RDH10: variants seen among roughly 807,000 people sequenced by gnomAD.
RDH10 encodes retinol dehydrogenase 10, also known as retinol dehydrogenase 10 (all-trans).
A neutral mutation model predicts 30.2 loss-of-function variants in RDH10; 12 were observed. The observed-to-expected ratio is 0.40, with a 90% CI of 0.25 to 0.64. The LOEUF is 0.64. Among genes scored for constraint, RDH10 ranks in the 30% least tolerant of loss-of-function variants. The pLI, the probability that RDH10 is intolerant of heterozygous loss-of-function variation, is 0.43. For synonymous variants in RDH10, 189 were observed against 172.2 expected (o/e 1.10, Z -0.76); for missense variants, 268 against 445.2 (o/e 0.60, Z 3.58).
At chr8:73,318,575 C>T (rs1225230846) in intron 2 of RDH10, among the ~76,000 whole-genome samples, 1 of 152,242 alleles carries the variant, frequency 6.6e-6, no homozygotes, top group Non-Finnish European at 1.5e-5. Flanking sequence ...CCTGCTAGTA[C>T]ATTTTGGTAA....
chr8:73,298,590 C>T (rs1345812000), intron 2 of RDH10, among the ~76,000 whole-genome samples: 2 of 152,094 alleles, frequency 1.3e-5, no homozygotes, highest in East Asian at 1.9e-4. Context: ...TGCAGTGGCG[C>T]GATCTTGGCT....
chr8:73,316,533 A>G (rs1814667858), intron 2 of RDH10, among the ~76,000 whole-genome samples: 1 of 152,214 alleles, frequency 6.6e-6, no homozygotes. Context: ...AAATACAATC[A>G]AGCTGAAACA....
At chr8:73,302,497 G>A (rs1211210151) in intron 2 of RDH10, among the ~76,000 whole-genome samples, 1 of 152,082 alleles carries the variant, frequency 6.6e-6, no homozygotes, top group East Asian at 1.9e-4. Flanking sequence ...ACCAGCGTTG[G>A]CAACATGGCG....
chr8:73,319,806 C>T (rs189056413), intron 3 of RDH10, among the ~76,000 whole-genome samples: 80 of 152,282 alleles, frequency 5.3e-4, no homozygotes, highest in Admixed American at 2.4e-3. Flanking sequence ...TCAGATGAGG[C>T]GGTCAGGTAT....
intron 2 of RDH10, 123 bp from the exon 3 acceptor site, chr8:73,318,973 T>G: frequency 1.6e-6 from 1 of 635,182 alleles, no homozygotes; most frequent in Non-Finnish European, 2.7e-6. Context: ...AAATATAAAA[T>G]ATTTTTAAAG....
At chr8:73,298,164 A>C (rs1259213130) in intron 2 of RDH10, among the ~76,000 whole-genome samples, 1 of 152,202 alleles carries the variant, frequency 6.6e-6, no homozygotes, top group Non-Finnish European at 1.5e-5. Context: ...TGTCTTCAGT[A>C]AAGGTAGGTG....
At chr8:73,316,559 C>T (rs1041181685) in intron 2 of RDH10, among the ~76,000 whole-genome samples, 11 of 152,148 alleles carry the variant, frequency 7.2e-5, no homozygotes, top group Non-Finnish European at 1.0e-4. Context: ...CTCTCTTCCT[C>T]AGCAGTGTAC....
At chr8:73,307,013 A>C (rs895662982) in intron 2 of RDH10, among the ~76,000 whole-genome samples, 2 of 152,226 alleles carry the variant, frequency 1.3e-5, no homozygotes, top group Admixed American at 6.5e-5. Flanking sequence ...AGGGTTTTTT[A>C]CATGGGCTAG....
chr8:73,295,801 C>A, intron 1 of RDH10: 1 of 1,141,304 alleles, frequency 8.8e-7, no homozygotes, highest in Non-Finnish European at 1.1e-6. Context: ...GAGGTTCGGT[C>A]TCTGGGGACC....
rs200921578 is a variant in RDH10 at position 73,323,057 on chromosome 8, T to G, written c.*21T>G. 6.3e-7 allele frequency: 1 copy of G among 1,588,204 alleles called. No homozygotes were observed. The highest frequency in any genetic ancestry group is 1.7e-5 in the Admixed American group (1 of 59,976). Reference sequence around the variant, plus strand: ...TCTAAGAATCTTTTTGTATGGAATATTACTTCTATCAGAAGATGATCAAGA... The same window carrying G: ...TCTAAGAATCTTTTTGTATGGAATAGTACTTCTATCAGAAGATGATCAAGA... On this transcript the variant is annotated 3_prime_UTR_variant, in exon 6 of 6. Coordinates refer to ENST00000240285, the MANE Select transcript of RDH10 (RefSeq NM_172037.5).
At chr8:73,296,676 C>T (rs1264437741) in intron 1 of RDH10, among the ~76,000 whole-genome samples, 1 of 152,146 alleles carries the variant, frequency 6.6e-6, no homozygotes, top group African/African-American at 2.4e-5. Context: ...ATCCCTATTT[C>T]TTCATTAAAA....
chr8:73,302,507 G>A (rs1814397121), intron 2 of RDH10, among the ~76,000 whole-genome samples: 1 of 152,074 alleles, frequency 6.6e-6, no homozygotes, highest in African/African-American at 2.4e-5. Context: ...GCAACATGGC[G>A]AAACCCTGTC....
chr8:73,314,863 A>G (rs1298574092), intron 2 of RDH10, among the ~76,000 whole-genome samples: 1 of 152,200 alleles, frequency 6.6e-6, no homozygotes, highest in Non-Finnish European at 1.5e-5. Flanking sequence ...ATTGGATTTA[A>G]TTTATACAGA....
At chr8:73,309,534 AT>A (rs1311247258) in intron 2 of RDH10, among the ~76,000 whole-genome samples, 1 of 151,016 alleles carries the variant, frequency 6.6e-6, no homozygotes, top group Non-Finnish European at 1.5e-5. Context: ...GTACTTCTTA[AT>A]TTCATGGTGG....
At chr8:73,310,410 C>T (rs1814543815) in intron 2 of RDH10, among the ~76,000 whole-genome samples, 1 of 144,464 alleles carries the variant, frequency 6.9e-6, no homozygotes, top group African/African-American at 2.7e-5. Flanking sequence ...GAACTATTTA[C>T]ACTTAGGAAT....
At chr8:73,301,679 C>A (rs942448546) in intron 2 of RDH10, among the ~76,000 whole-genome samples, 1 of 152,058 alleles carries the variant, frequency 6.6e-6, no homozygotes, top group African/African-American at 2.4e-5. Context: ...TTGTTTGAAC[C>A]CGGGAGGCCG....
intron 2 of RDH10, chr8:73,313,121 T>C (rs1306104698): frequency 6.6e-6 from 1 of 152,264 alleles, no homozygotes; most frequent in Admixed American, 6.5e-5. Flanking sequence ...ACATTGACTT[T>C]TGTTCCACTT....
chr8:73,299,763 A>C (rs11777905), intron 2 of RDH10, among the ~76,000 whole-genome samples: 29,935 of 152,204 alleles, frequency 0.2, 3,015 homozygotes, highest in Middle Eastern at 0.23. Flanking sequence ...AACCCCATAC[A>C]ATCTGCAGTT....
chr8:73,295,275 G>A lies in RDH10; in HGVS notation c.-15G>A. On this transcript the variant is annotated 5_prime_UTR_variant, in exon 1 of 6. Transcript: ENST00000240285. ...GACGCAGGCACTGGGCTCGTGCGGGGCCCCGGGCGTCGCGATGAACATCGT... is the reference window on the plus strand; with the variant it reads ...GACGCAGGCACTGGGCTCGTGCGGGACCCCGGGCGTCGCGATGAACATCGT... 1.9e-6 allele frequency: 3 copies of A among 1,549,580 alleles called. No individual in the cohort carries two copies. Among genetic ancestry groups the A allele is most frequent in the East Asian group, 2.5e-5 (1 of 40,210 alleles).
Sources: gnomAD v4.1 joint callset for allele counts (sites outside exome capture counted in the v4.1 genomes callset) on GRCh38, gnomAD v4.1.1 for gene constraint, MANE v1.5 for transcripts, NCBI Gene and HGNC (gene_info 2026-07-23, HGNC 2026-07-21) for gene names.